The following JAZF1 variants were observed in gnomAD, a reference collection of about 807,000 sequenced individuals.
The protein encoded by JAZF1 is juxtaposed with another zinc finger protein 1.
Under a neutral mutation model 26.4 loss-of-function variants are expected in JAZF1, and 8 were observed. That is an observed-to-expected ratio of 0.30 (90% CI 0.18 to 0.55). The LOEUF is 0.55. Among genes scored for constraint, JAZF1 ranks in the 20% least tolerant of loss-of-function variants. The probability of loss-of-function intolerance (pLI) is 0.94; values close to 1 mark genes in which losing one functional copy is unlikely to be tolerated. For synonymous variants in JAZF1, 126 were observed against 122.3 expected, an observed-to-expected ratio of 1.03 and a Z score of -0.20; for missense variants, 199 against 322.0, an observed-to-expected ratio of 0.62 and a Z score of 2.92.
chr7:27,958,453 C>G (rs1462541954), intron 2 of JAZF1, among the ~76,000 whole-genome samples: 2 of 152,190 alleles, frequency 1.3e-5, no homozygotes, highest in Non-Finnish European at 2.9e-5. Context: ...ACTCAACCTC[C>G]ATGAAGTCAT....
At chr7:27,885,825 C>T (rs967676673) in intron 3 of JAZF1, among the ~76,000 whole-genome samples, 4 of 152,202 alleles carry the variant, frequency 2.6e-5, no homozygotes, top group Non-Finnish European at 5.9e-5. Flanking sequence ...TTCCTGGAAT[C>T]AGCCTTCTCT....
chr7:28,124,312 T>C (rs1782663357), intron 1 of JAZF1, among the ~76,000 whole-genome samples: 1 of 152,184 alleles, frequency 6.6e-6, no homozygotes, highest in South Asian at 2.1e-4. Context: ...TGTCAGCACC[T>C]TGCTCCTGGA....
At chr7:28,077,533 A>T (rs1009693242) in intron 1 of JAZF1, among the ~76,000 whole-genome samples, 2 of 152,086 alleles carry the variant, frequency 1.3e-5, no homozygotes, top group Non-Finnish European at 2.9e-5. Flanking sequence ...CAACAAATAA[A>T]TAAAAGCACT....
chr7:28,086,335 G>A lies in JAZF1; in HGVS notation c.115+94128C>T, dbSNP rs764094044. On this transcript the variant is annotated intron_variant, in intron 1 of 4. Transcript: ENST00000283928. Reference sequence around the variant, plus strand: ...AAAGTTTTTAAATTTTACTGTTTCCGTTTCATTTGGGGAGGTGCATTCCAA... The same window carrying A: ...AAAGTTTTTAAATTTTACTGTTTCCATTTCATTTGGGGAGGTGCATTCCAA... Among the ~76,000 whole-genome samples the A allele has an allele frequency of 1.1e-4, 16 of 152,300 alleles. 1 individual carries two copies. The South Asian group carries it at 1.2e-3, about 12-fold the overall frequency.
At chr7:28,175,334 C>T (rs1412712332) in intron 1 of JAZF1, among the ~76,000 whole-genome samples, 1 of 152,186 alleles carries the variant, frequency 6.6e-6, no homozygotes, top group African/African-American at 2.4e-5. Flanking sequence ...AACAGCACCA[C>T]TAATAGGTGG....
chr7:28,157,856 A>C (rs1167037116), intron 1 of JAZF1, among the ~76,000 whole-genome samples: 1 of 152,182 alleles, frequency 6.6e-6, no homozygotes, highest in Admixed American at 6.5e-5. Flanking sequence ...AAAATGAACA[A>C]AAAATTAAGG....
At chr7:27,914,365 C>T (rs139492278) in intron 2 of JAZF1, among the ~76,000 whole-genome samples, 85 of 152,224 alleles carry the variant, frequency 5.6e-4, no homozygotes, top group African/African-American at 2.0e-3. Flanking sequence ...CTAAAGCCAA[C>T]TGTGGGGAGT....
At chr7:27,958,332 A>G (rs1785133899) in intron 2 of JAZF1, among the ~76,000 whole-genome samples, 1 of 152,194 alleles carries the variant, frequency 6.6e-6, no homozygotes, top group African/African-American at 2.4e-5. Context: ...TGTTGTAAGG[A>G]AAGGAATGCC....
In JAZF1 at chr7:27,921,082, C is replaced by T. The variant is rs74582525; in HGVS notation, c.189-25666G>A. Among the ~76,000 whole-genome samples, 322 of 152,278 alleles carry T rather than the reference C, an allele frequency of 2.1e-3. 2 individuals are homozygous for T. Among genetic ancestry groups the T allele is most frequent in the Middle Eastern group, 6.8e-3 (2 of 294 alleles). ...CTGAAAAAATCTGACTACTACTAAC[C>T]GGCAGTTACAAGTACCAGTTTTAGT... is the stretch of plus-strand genomic sequence containing the variant. On this transcript the variant is annotated intron_variant, in intron 2 of 4. Transcript: ENST00000283928.
intron 1 of JAZF1, among the ~76,000 whole-genome samples, chr7:28,130,555 A>G (rs1782777002): frequency 6.6e-6 from 1 of 152,216 alleles, no homozygotes; most frequent in Non-Finnish European, 1.5e-5. Context: ...AAAAGCTTCA[A>G]CACAGTAGTC....
chr7:27,937,267 C>G (rs1451436381), intron 2 of JAZF1, among the ~76,000 whole-genome samples: 2 of 152,194 alleles, frequency 1.3e-5, no homozygotes, highest in Non-Finnish European at 2.9e-5. Context: ...CTCCACAAGC[C>G]TAACTCATAT....
chr7:28,005,001 C>T (rs1301010423), intron 1 of JAZF1, among the ~76,000 whole-genome samples: 1 of 152,160 alleles, frequency 6.6e-6, no homozygotes, highest in Admixed American at 6.5e-5. Flanking sequence ...ATTTCCACCC[C>T]TTTCACTTTC....
chr7:28,108,831 A>T (rs1282059890), intron 1 of JAZF1, among the ~76,000 whole-genome samples: 1 of 152,252 alleles, frequency 6.6e-6, no homozygotes, highest in Non-Finnish European at 1.5e-5. Flanking sequence ...AACAGATTTT[A>T]AAAATTGTGG....
intron 1 of JAZF1, among the ~76,000 whole-genome samples, chr7:28,069,163 G>C (rs1337635087): frequency 5.9e-5 from 9 of 152,206 alleles, no homozygotes; most frequent in Non-Finnish European, 1.2e-4. Flanking sequence ...CACCACAGCT[G>C]GTGGCAGAGC....
intron 2 of JAZF1, among the ~76,000 whole-genome samples, chr7:27,919,934 T>C (rs915192358): frequency 5.3e-5 from 8 of 152,172 alleles, no homozygotes; most frequent in African/African-American, 1.9e-4. Context: ...TGTGTGCAAG[T>C]TGTATTACTG....
At chr7:27,873,532 A>T (rs964211785) in intron 3 of JAZF1, among the ~76,000 whole-genome samples, 2 of 151,834 alleles carry the variant, frequency 1.3e-5, no homozygotes, top group African/African-American at 2.4e-5. Flanking sequence ...AATACACAAC[A>T]CTCAGCCCAC....
chr7:27,918,252 G>A (rs768355703), intron 2 of JAZF1, among the ~76,000 whole-genome samples: 12 of 151,940 alleles, frequency 7.9e-5, no homozygotes, highest in Non-Finnish European at 1.6e-4. Context: ...TTAATTATTC[G>A]TTTTTTTCCT....
chr7:28,082,244 T>C (rs1453522718), intron 1 of JAZF1, among the ~76,000 whole-genome samples: 5 of 152,100 alleles, frequency 3.3e-5, no homozygotes, highest in Non-Finnish European at 5.9e-5. Context: ...AGACAATGCA[T>C]GGGGGCGTGG....
chr7:27,977,033 T>G (rs1785485863), intron 2 of JAZF1, among the ~76,000 whole-genome samples: 1 of 152,238 alleles, frequency 6.6e-6, no homozygotes, highest in South Asian at 2.1e-4. Context: ...CATTTTTACT[T>G]TAAATCCCTG....
Sources: gnomAD v4.1 joint callset for allele counts (sites outside exome capture counted in the v4.1 genomes callset) on GRCh38, gnomAD v4.1.1 for gene constraint, MANE v1.5 for transcripts, NCBI Gene and HGNC (gene_info 2026-07-23, HGNC 2026-07-21) for gene names.